CPPED1: variants seen among roughly 807,000 people sequenced by gnomAD.
CPPED1 encodes the protein serine/threonine-protein phosphatase CPPED1.
CPPED1 carries 28 observed loss-of-function variants against 28.0 expected under a neutral mutation model. The observed-to-expected ratio is 1.00, with a 90% CI of 0.74 to 1.37. The LOEUF (loss-of-function observed/expected upper bound fraction) is 1.37, where lower values mean the gene tolerates loss of function less well. Among genes scored for constraint, CPPED1 ranks in the 40% most tolerant of loss-of-function variants. The pLI is 0.00. For synonymous variants in CPPED1, 198 were observed against 180.2 expected (o/e 1.10, Z -0.79); for missense variants, 504 against 416.5 (o/e 1.21, Z -1.83).
chr16:12,780,978 A>G (rs2080526917), intron 2 of CPPED1: 1 of 581,544 alleles, frequency 1.7e-6, no homozygotes, highest in Non-Finnish European at 3.1e-6. Flanking sequence ...AGCTGTGCCT[A>G]ATTACTGTGA....
At chr16:12,802,822 AC>A (rs1295148846) in intron 1 of CPPED1, among the ~76,000 whole-genome samples, 3 of 152,232 alleles carry the variant, frequency 2.0e-5, no homozygotes, top group Admixed American at 6.5e-5. Flanking sequence ...AACAAGGGCA[AC>A]AACAAAACCT....
intron 3 of CPPED1, among the ~76,000 whole-genome samples, chr16:12,673,924 C>T (rs1475570097): frequency 6.6e-6 from 1 of 152,050 alleles, no homozygotes; most frequent in Non-Finnish European, 1.5e-5. Flanking sequence ...AGGTGCATGC[C>T]TGTAGTTCCA....
At chr16:12,783,608 AC>A (rs1226442823) in intron 1 of CPPED1, among the ~76,000 whole-genome samples, 1 of 152,098 alleles carries the variant, frequency 6.6e-6, no homozygotes, top group African/African-American at 2.4e-5. Context: ...GCCAGTGATA[AC>A]CTTTTTAAAT....
At chr16:12,783,977 G>GCCCCAAA (rs1489535940) in intron 1 of CPPED1, among the ~76,000 whole-genome samples, 2 of 152,126 alleles carry the variant, frequency 1.3e-5, no homozygotes, top group African/African-American at 4.8e-5. Flanking sequence ...AAGACTCTAA[G>GCCCCAAA]ATGCCCCCCA....
intron 1 of CPPED1, among the ~76,000 whole-genome samples, chr16:12,782,497 C>A (rs182563855): frequency 1.3e-5 from 2 of 151,490 alleles, no homozygotes; most frequent in East Asian, 3.9e-4. Flanking sequence ...TGCTAAATGG[C>A]CTGCTAGCGC....
chr16:12,714,619 A>T (rs1000560541), intron 2 of CPPED1, among the ~76,000 whole-genome samples: 1 of 152,086 alleles, frequency 6.6e-6, no homozygotes, highest in Non-Finnish European at 1.5e-5. Flanking sequence ...TACTTTGCCC[A>T]TTTTTCAGTT....
chr16:12,678,141 A>C (rs1337099522), intron 3 of CPPED1, among the ~76,000 whole-genome samples: 3 of 152,234 alleles, frequency 2.0e-5, no homozygotes, highest in African/African-American at 7.2e-5. Flanking sequence ...AATAAAAATC[A>C]AAAAACAGTG....
At chr16:12,755,281 CTT>C (rs35135598) in intron 2 of CPPED1, among the ~76,000 whole-genome samples, 17 of 128,752 alleles carry the variant, frequency 1.3e-4, no homozygotes, top group Admixed American at 1.7e-4. Context: ...AGTATGCATT[CTT>C]TTTTTTTTTT....
rs2079788742 is a variant in CPPED1 at position 12,660,588 on chromosome 16, G to A, written c.*4298C>T. On this transcript the variant is annotated 3_prime_UTR_variant, in exon 4 of 4. Coordinates refer to ENST00000381774, the MANE Select transcript of CPPED1 (RefSeq NM_018340.3). Reference sequence around the variant, plus strand: ...CCATGGCTTGAGAATATTTTATGAAGTTATAAAAATCAGTATTACCTGTCA... The same window carrying A: ...CCATGGCTTGAGAATATTTTATGAAATTATAAAAATCAGTATTACCTGTCA... The A allele has an allele frequency of 6.6e-6, 1 of 150,692 alleles. No individual in the cohort carries two copies. 9.3% of individuals were successfully genotyped at this position (150,692 alleles called of 1,614,324 possible). A position where few individuals can be genotyped will look rare whatever the true frequency, so the allele number is the denominator to read the frequency against.
chr16:12,707,734 T>C (rs891724964), intron 2 of CPPED1, among the ~76,000 whole-genome samples: 4 of 152,096 alleles, frequency 2.6e-5, no homozygotes, highest in Admixed American at 6.6e-5. Context: ...TTACACACAG[T>C]AATGTGATGT....
rs546926090 is a variant in CPPED1, at chr16:12,670,879, C to A, written c.716-5764G>T. The stretch of plus-strand genomic sequence containing the variant: ...TTTAATATATTTTTTGAGGTGGAGT[C>A]TCACTGTGACGCCCATGCTGAAGTA... On this transcript the variant is annotated intron_variant, in intron 3 of 3. Coordinates refer to ENST00000381774, the MANE Select transcript of CPPED1 (RefSeq NM_018340.3). This position sits in a 1 kb window ranked among gnomAD's most constrained non-coding sequence, Gnocchi z 4.2. Among the ~76,000 whole-genome samples the A allele has an allele frequency of 4.6e-5, 7 of 152,256 alleles. No homozygotes were observed. Among genetic ancestry groups the A allele is most frequent in the Admixed American group, 1.3e-4 (2 of 15,280 alleles).
At chr16:12,774,244 G>A (rs1041450117) in intron 2 of CPPED1, among the ~76,000 whole-genome samples, 1 of 152,056 alleles carries the variant, frequency 6.6e-6, no homozygotes, top group Non-Finnish European at 1.5e-5. Context: ...GGCGAGGAGG[G>A]CAATCACTTG....
At chr16:12,704,091 C>T (rs1441882772) in intron 3 of CPPED1, among the ~76,000 whole-genome samples, 1 of 152,210 alleles carries the variant, frequency 6.6e-6, no homozygotes, top group African/African-American at 2.4e-5. Flanking sequence ...CCAGGATTTC[C>T]TGAGTCACAG....
chr16:12,752,612 GTATA>G (rs2080337045), intron 2 of CPPED1, among the ~76,000 whole-genome samples: 1 of 146,330 alleles, frequency 6.8e-6, no homozygotes, highest in Non-Finnish European at 1.5e-5. Flanking sequence ...TATATATATA[GTATA>G]TATATTTATA....
chr16:12,667,893 C>T (rs779485272), intron 3 of CPPED1, among the ~76,000 whole-genome samples: 2 of 152,184 alleles, frequency 1.3e-5, no homozygotes, highest in African/African-American at 4.8e-5. Flanking sequence ...AAAAGTACTA[C>T]ACAGGAAACA....
chr16:12,765,790 C>T (rs561061844), intron 2 of CPPED1, among the ~76,000 whole-genome samples: 2 of 152,144 alleles, frequency 1.3e-5, no homozygotes, highest in Admixed American at 6.5e-5. Context: ...ATTCTGGGTT[C>T]GCGAAATATA....
At chr16:12,717,615 G>C (rs2080114318) in intron 2 of CPPED1, among the ~76,000 whole-genome samples, 1 of 151,868 alleles carries the variant, frequency 6.6e-6, no homozygotes. Context: ...TGTTGAAATA[G>C]AGACAGACAG....
intron 3 of CPPED1, among the ~76,000 whole-genome samples, chr16:12,684,191 C>A (rs985821648): frequency 1.3e-5 from 2 of 152,118 alleles, no homozygotes; most frequent in Admixed American, 1.3e-4. Flanking sequence ...AAAATGCATC[C>A]CGGTAAACTG....
intron 2 of CPPED1, among the ~76,000 whole-genome samples, chr16:12,740,080 A>G (rs1332391795): frequency 6.6e-6 from 1 of 151,540 alleles, no homozygotes; most frequent in African/African-American, 2.4e-5. Context: ...AAAAGAAAGG[A>G]AAGAAAGGAA....
Sources: allele counts gnomAD v4.1 joint callset (sites outside exome capture counted in the v4.1 genomes callset), GRCh38; gene constraint gnomAD v4.1.1; non-coding constraint Gnocchi (gnomAD v3.1); transcripts MANE v1.5; gene names NCBI Gene and HGNC (gene_info 2026-07-23, HGNC 2026-07-21).